The following NRXN1 variants were observed in gnomAD, a reference collection of about 807,000 sequenced individuals.
NRXN1 encodes the protein neurexin-1.
A neutral mutation model predicts 150.9 loss-of-function variants in NRXN1; 39 were observed. The ratio of observed to expected loss-of-function variants is 0.26; its 90% CI spans 0.20 to 0.34. The LOEUF (loss-of-function observed/expected upper bound fraction) is 0.34. NRXN1 is among the 10% of genes least tolerant of loss of function. NRXN1 has a pLI of 1.00. For missense variants in NRXN1, 1,815 were observed against 1,949.9 expected, an observed-to-expected ratio of 0.93 and a Z score of 1.30; for synonymous variants, 924 against 757.0, an observed-to-expected ratio of 1.22 and a Z score of -3.62.
At chr2:50,269,048 G>A (rs1020948800) in intron 17 of NRXN1, among the ~76,000 whole-genome samples, 1 of 152,184 alleles carries the variant, frequency 6.6e-6, no homozygotes, top group Non-Finnish European at 1.5e-5. Flanking sequence ...TGTAGATATG[G>A]AAAGTATAGT....
At chr2:50,864,146 A>C (rs746140172) in intron 5 of NRXN1, among the ~76,000 whole-genome samples, 18 of 152,208 alleles carry the variant, frequency 1.2e-4, no homozygotes, top group Middle Eastern at 3.4e-3. Flanking sequence ...AAGAAAGGAC[A>C]GAGGACCTTT....
intron 10 of NRXN1, among the ~76,000 whole-genome samples, chr2:50,533,785 T>C (rs1270056152): frequency 6.6e-6 from 1 of 152,198 alleles, no homozygotes; most frequent in Non-Finnish European, 1.5e-5. Context: ...TTTGCACTTT[T>C]AGATCCCTCT....
intron 8 of NRXN1, among the ~76,000 whole-genome samples, chr2:50,559,870 C>A (rs567831754): frequency 6.6e-6 from 1 of 151,932 alleles, no homozygotes. Flanking sequence ...TTGGTTTAAG[C>A]ACAAAGATGG....
intron 5 of NRXN1, among the ~76,000 whole-genome samples, chr2:50,813,621 A>C (rs1668529315): frequency 6.6e-6 from 1 of 152,210 alleles, no homozygotes; most frequent in Non-Finnish European, 1.5e-5. Context: ...ACAAAAGAAA[A>C]TAAGGTTTCA....
At chr2:50,318,024 C>T (rs1053918442) in intron 17 of NRXN1, among the ~76,000 whole-genome samples, 5 of 151,676 alleles carry the variant, frequency 3.3e-5, no homozygotes, top group African/African-American at 7.3e-5. Context: ...ACTCCATTCA[C>T]CAAAATATAC....
chr2:50,500,809 C>A (rs76822931), intron 13 of NRXN1, among the ~76,000 whole-genome samples: 1 of 152,154 alleles, frequency 6.6e-6, no homozygotes, highest in African/African-American at 2.4e-5. Context: ...ATGTGCTCTG[C>A]GTTAGGTTAC....
At chr2:50,824,882 A>C (rs1670234421) in intron 5 of NRXN1, among the ~76,000 whole-genome samples, 1 of 152,232 alleles carries the variant, frequency 6.6e-6, no homozygotes, top group South Asian at 2.1e-4. Context: ...AAATTGCATC[A>C]AGCTAACTGA....
At chr2:49,951,346 T>A (rs1177762633) in intron 21 of NRXN1, among the ~76,000 whole-genome samples, 2 of 152,022 alleles carry the variant, frequency 1.3e-5, no homozygotes, top group Non-Finnish European at 2.9e-5. Context: ...AAATATGTTT[T>A]TTATTATTTC....
rs2152998366 is a variant in NRXN1, at chr2:50,347,501, T to C, written c.3365-110531A>G. 1.9e-6 allele frequency: 2 copies of C among 1,065,740 alleles called. No individual in the cohort carries two copies. Among genetic ancestry groups the C allele is most frequent in the East Asian group, 2.1e-4 (2 of 9,344 alleles). 66.0% of individuals were successfully genotyped at this position (1,065,740 alleles called of 1,614,324 possible). On this transcript the variant is annotated intron_variant, in intron 17 of 22. Coordinates refer to ENST00000401669, the MANE Select transcript of NRXN1 (RefSeq NM_001330078.2). The surrounding 1 kb of genome is among the most constrained non-coding windows in gnomAD (Gnocchi z 4.9). ...GGAATCCAGGCGCCCCTTCCCTCCATTCAGCCCCGGCCGGCTCGCCCGCTA... is the reference window on the plus strand; with the variant it reads ...GGAATCCAGGCGCCCCTTCCCTCCACTCAGCCCCGGCCGGCTCGCCCGCTA...
At chr2:50,962,095 GCTGA>G (rs70958634) in intron 2 of NRXN1, among the ~76,000 whole-genome samples, 38,105 of 151,476 alleles carry the variant, frequency 0.25, 5,186 homozygotes, top group Non-Finnish European at 0.31. Context: ...TGAGACTGCT[GCTGA>G]CTATTTTCCA....
intron 15 of NRXN1, among the ~76,000 whole-genome samples, chr2:50,472,993 T>C (rs1421694242): frequency 6.6e-6 from 1 of 151,944 alleles, no homozygotes; most frequent in Non-Finnish European, 1.5e-5. Context: ...CAGGCATTAT[T>C]ATTAAATTCA....
At chr2:49,977,453 T>C (rs944590156) in intron 21 of NRXN1, among the ~76,000 whole-genome samples, 2 of 152,232 alleles carry the variant, frequency 1.3e-5, no homozygotes, top group African/African-American at 2.4e-5. Flanking sequence ...AGTGCTGAGA[T>C]AGAGAAACCA....
chr2:50,364,242 T>A (rs570979533), intron 17 of NRXN1, among the ~76,000 whole-genome samples: 5 of 152,236 alleles, frequency 3.3e-5, no homozygotes, highest in South Asian at 2.1e-4. Flanking sequence ...AGTATAATTT[T>A]AAAAAATTAG....
intron 21 of NRXN1, among the ~76,000 whole-genome samples, chr2:49,988,118 C>A (rs2152516551): frequency 6.6e-6 from 1 of 152,102 alleles, no homozygotes; most frequent in Middle Eastern, 3.4e-3. Flanking sequence ...TAAATTGCTG[C>A]AAAATGTGAT....
At chr2:50,841,431 T>C (rs1354762011) in intron 5 of NRXN1, among the ~76,000 whole-genome samples, 1 of 152,176 alleles carries the variant, frequency 6.6e-6, no homozygotes, top group Non-Finnish European at 1.5e-5. Context: ...AAGCTTCTCC[T>C]ATCCTCCTCT....
At chr2:49,943,866 G>A in intron 21 of NRXN1, 75 bp from the exon 22 acceptor site, 2 of 1,077,868 alleles carry the variant, frequency 1.9e-6, no homozygotes, top group Non-Finnish European at 1.4e-6. Context: ...TCATTGACAA[G>A]TGAAATACAA....
intron 2 of NRXN1, among the ~76,000 whole-genome samples, chr2:50,945,411 C>T (rs930909491): frequency 6.6e-6 from 1 of 151,992 alleles, no homozygotes; most frequent in African/African-American, 2.4e-5. Context: ...ATGCAATAAG[C>T]TGAGATCGTG....
At chr2:50,612,069 G>A (rs1483174725) in intron 8 of NRXN1, among the ~76,000 whole-genome samples, 2 of 152,072 alleles carry the variant, frequency 1.3e-5, no homozygotes, top group Non-Finnish European at 2.9e-5. Context: ...AATATGATAC[G>A]GGGAGCAACA....
intron 21 of NRXN1, among the ~76,000 whole-genome samples, chr2:50,004,197 T>C (rs1392895421): frequency 1.3e-5 from 2 of 152,114 alleles, no homozygotes; most frequent in Non-Finnish European, 2.9e-5. Flanking sequence ...GAAGCTTAAA[T>C]CTATCAATCA....
Sources: gnomAD v4.1 joint callset for allele counts (sites outside exome capture counted in the v4.1 genomes callset) on GRCh38, gnomAD v4.1.1 for gene constraint, Gnocchi (gnomAD v3.1) non-coding constraint, MANE v1.5 for transcripts, NCBI Gene and HGNC (gene_info 2026-07-23, HGNC 2026-07-21) for gene names.